The following TAFA2 variants were observed in gnomAD, a reference collection of about 807,000 sequenced individuals.
The protein encoded by TAFA2 is chemokine-like protein TAFA-2.
In TAFA2, 7 loss-of-function variants were observed where a neutral mutation model predicts 18.8. That is an observed-to-expected ratio of 0.37 (90% CI 0.21 to 0.70). TAFA2 has a LOEUF of 0.70. Ranked by LOEUF, TAFA2 falls within the 30% of genes least tolerant of loss-of-function variation. The pLI is 0.53. For missense variants in TAFA2, 122 were observed against 158.1 expected, an observed-to-expected ratio of 0.77 and a Z score of 1.23; for synonymous variants, 60 against 54.2, an observed-to-expected ratio of 1.11 and a Z score of -0.47.
At chr12:62,221,240 A>AGGAAGGAG (rs1227247957) in intron 1 of TAFA2, among the ~76,000 whole-genome samples, 6 of 115,058 alleles carry the variant, frequency 5.2e-5, no homozygotes, top group African/African-American at 1.8e-4. Flanking sequence ...GAAGGAAGGA[A>AGGAAGGAG]GGAAGGAAGG....
chr12:61,776,927 T>C (rs1037895924), intron 2 of TAFA2, among the ~76,000 whole-genome samples: 4 of 151,698 alleles, frequency 2.6e-5, no homozygotes, highest in Middle Eastern at 3.2e-3. Context: ...GGTCCTGGAG[T>C]GTGTTGTAAG....
intron 2 of TAFA2, among the ~76,000 whole-genome samples, chr12:61,866,429 A>G (rs1014694362): frequency 2.6e-5 from 4 of 152,208 alleles, no homozygotes; most frequent in African/African-American, 9.7e-5. Flanking sequence ...TGAGAAACTT[A>G]GTTGTTAGTC....
At position 62,021,893 on chromosome 12, in the gene TAFA2, C is replaced by T. The variant is rs186456367; in HGVS notation, c.-1-154467G>A. The T allele has an allele frequency of 5.3e-6, 4 of 754,528 alleles. No individual in the cohort carries two copies. In the Admixed American group the frequency reaches 6.9e-5, roughly 13 times the overall value. The allele number at this position is 754,528 out of a possible 1,614,324, so 46.7% of individuals were successfully genotyped here. ...CCTCGGAGTTTCCCAGACACCATGA[C>T]CTCACAGCCTTTGGCCCCACTCTCC... On this transcript the variant is annotated intron_variant, in intron 1 of 4. Coordinates refer to ENST00000416284, the MANE Select transcript of TAFA2 (RefSeq NM_178539.5).
intron 1 of TAFA2, among the ~76,000 whole-genome samples, chr12:61,995,617 T>C (rs979906033): frequency 2.0e-5 from 3 of 152,160 alleles, no homozygotes; most frequent in African/African-American, 7.2e-5. Context: ...CAAACACATG[T>C]TGAATGAATT....
At chr12:61,902,391 T>C (rs1876144615) in intron 1 of TAFA2, among the ~76,000 whole-genome samples, 1 of 152,210 alleles carries the variant, frequency 6.6e-6, no homozygotes, top group East Asian at 1.9e-4. Context: ...TCATAGAAAC[T>C]ATCTCCTGTG....
At chr12:62,115,317 C>T (rs1393326504) in intron 1 of TAFA2, among the ~76,000 whole-genome samples, 1 of 152,100 alleles carries the variant, frequency 6.6e-6, no homozygotes, top group East Asian at 1.9e-4. Context: ...CATGCTGCAG[C>T]AGGAGGCCAG....
chr12:62,041,128 A>G (rs979263841), intron 1 of TAFA2, among the ~76,000 whole-genome samples: 2 of 152,198 alleles, frequency 1.3e-5, no homozygotes, highest in African/African-American at 4.8e-5. Context: ...AGAAAAAACT[A>G]ATCTTTATGT....
intron 2 of TAFA2, among the ~76,000 whole-genome samples, chr12:61,773,673 C>G (rs1870129875): frequency 6.6e-6 from 1 of 151,916 alleles, no homozygotes; most frequent in Non-Finnish European, 1.5e-5. Context: ...GAAACTGGAT[C>G]CTCATCTCTC....
intron 1 of TAFA2, among the ~76,000 whole-genome samples, chr12:62,241,361 T>A (rs554574885): frequency 1.3e-5 from 2 of 152,240 alleles, no homozygotes; most frequent in Non-Finnish European, 2.9e-5. Context: ...CAGCCAAGCA[T>A]TTCTCCAGGA....
chr12:62,212,131 C>A (rs1010729669), intron 1 of TAFA2, among the ~76,000 whole-genome samples: 1 of 152,144 alleles, frequency 6.6e-6, no homozygotes, highest in Non-Finnish European at 1.5e-5. Flanking sequence ...AGATATACAG[C>A]AAATCAGGGA....
chr12:61,807,308 A>C (rs1871660731), intron 2 of TAFA2, among the ~76,000 whole-genome samples: 1 of 151,386 alleles, frequency 6.6e-6, no homozygotes, highest in African/African-American at 2.5e-5. Flanking sequence ...AGCCTTGGCA[A>C]CTTCCATGTG....
At chr12:61,751,506 G>T (rs1267096879) in intron 4 of TAFA2, among the ~76,000 whole-genome samples, 2 of 151,932 alleles carry the variant, frequency 1.3e-5, no homozygotes, top group Non-Finnish European at 2.9e-5. Context: ...TTCAAAATGG[G>T]AGTGACAGAC....
chr12:61,991,215 G>A (rs1434946800), intron 1 of TAFA2, among the ~76,000 whole-genome samples: 1 of 152,186 alleles, frequency 6.6e-6, no homozygotes, highest in Admixed American at 6.5e-5. Flanking sequence ...ATAGTATTCA[G>A]CCTCTGGAAT....
intron 4 of TAFA2, among the ~76,000 whole-genome samples, chr12:61,714,190 T>C (rs1869541999): frequency 6.6e-6 from 1 of 152,174 alleles, no homozygotes; most frequent in Non-Finnish European, 1.5e-5. Context: ...GAAATGGCCC[T>C]ATGATTGTTA....
chr12:61,874,432 T>C (rs970374850), intron 1 of TAFA2, among the ~76,000 whole-genome samples: 3 of 152,118 alleles, frequency 2.0e-5, no homozygotes, highest in African/African-American at 7.2e-5. Flanking sequence ...AAAGCTGCAT[T>C]GGTTTCTAAG....
rs151038681 is a variant in TAFA2, at chr12:61,969,973, G to A, written c.-1-102547C>T. ...CATAGTCAGAGAAAGGATGAGAAAG[G>A]AAATACGGTTGGACTATTAAGGAGC... On this transcript the variant is annotated intron_variant, in intron 1 of 4. Transcript: ENST00000416284. Among the ~76,000 whole-genome samples, 81 of 151,656 alleles carry A rather than the reference G, an allele frequency of 5.3e-4. No homozygotes were observed. The East Asian group carries it at 0.013, about 24-fold the overall frequency.
chr12:61,724,825 T>C lies in TAFA2; in HGVS notation c.385-14408A>G, dbSNP rs187395677. 4.1e-3 allele frequency among the ~76,000 whole-genome samples: 619 copies of C among 150,436 alleles called. 2 individuals carry two copies. The highest frequency in any genetic ancestry group is 0.014 in the African/African-American group (591 of 40,824). On this transcript the variant is annotated intron_variant, in intron 4 of 4. Coordinates refer to ENST00000416284, the MANE Select transcript of TAFA2 (RefSeq NM_178539.5). ...TGTATACACCAGATGGGTGTATATG[T>C]ATATACACCCAGTAGTGAGATTGCT...
At chr12:61,876,743 T>G (rs1019752502) in intron 1 of TAFA2, among the ~76,000 whole-genome samples, 2 of 151,608 alleles carry the variant, frequency 1.3e-5, no homozygotes, top group Non-Finnish European at 2.9e-5. Flanking sequence ...TCAAAAAGAA[T>G]GCTATTCTAT....
At chr12:62,139,276 C>A (rs1451010898) in intron 1 of TAFA2, among the ~76,000 whole-genome samples, 1 of 152,150 alleles carries the variant, frequency 6.6e-6, no homozygotes, top group African/African-American at 2.4e-5. Flanking sequence ...ACAAACAGGG[C>A]TTCCAGCAGT....
Sources: allele counts gnomAD v4.1 joint callset (sites outside exome capture counted in the v4.1 genomes callset), GRCh38; gene constraint gnomAD v4.1.1; transcripts MANE v1.5; gene names NCBI Gene and HGNC (gene_info 2026-07-23, HGNC 2026-07-21).